ANO3: variants seen among roughly 807,000 people sequenced by gnomAD.
ANO3 encodes anoctamin-3.
ANO3 carries 99 observed loss-of-function variants against 144.8 expected under a neutral mutation model. The ratio of observed to expected loss-of-function variants is 0.68; its 90% CI spans 0.58 to 0.81. The LOEUF is 0.81. Among genes scored for constraint, ANO3 ranks in the 30% least tolerant of loss-of-function variants. ANO3 has a pLI of 0.00. For missense variants in ANO3, 905 were observed against 1,202.2 expected, an observed-to-expected ratio of 0.75 and a Z score of 3.66; for synonymous variants, 414 against 392.6, an observed-to-expected ratio of 1.05 and a Z score of -0.64.
At chr11:26,212,352 G>A (rs1304540145) in intron 1 of ANO3, among the ~76,000 whole-genome samples, 1 of 148,422 alleles carries the variant, frequency 6.7e-6, no homozygotes, top group Non-Finnish European at 1.5e-5. Flanking sequence ...TCCAGGAGCT[G>A]TTTTTTTTTC....
chr11:26,477,710 T>C (rs868416065), intron 4 of ANO3, among the ~76,000 whole-genome samples: 2 of 152,138 alleles, frequency 1.3e-5, no homozygotes, highest in Non-Finnish European at 1.5e-5. Context: ...ATAAGTGAAC[T>C]AATGAAAGAG....
chr11:26,420,527 G>C (rs927076776), intron 1 of ANO3, among the ~76,000 whole-genome samples: 1 of 152,042 alleles, frequency 6.6e-6, no homozygotes, highest in Admixed American at 6.6e-5. Flanking sequence ...AGCAGATTTA[G>C]ATGTAGATAA....
intron 18 of ANO3, among the ~76,000 whole-genome samples, chr11:26,627,937 T>A (rs546681579): frequency 3.3e-5 from 5 of 152,024 alleles, no homozygotes; most frequent in African/African-American, 4.8e-5. Flanking sequence ...GTTTTACTTC[T>A]CAGAAGAGGT....
intron 4 of ANO3, among the ~76,000 whole-genome samples, chr11:26,468,698 G>A (rs145685976): frequency 0.014 from 2,157 of 152,010 alleles, 61 homozygotes; most frequent in Admixed American, 0.07. Context: ...TTAGTATTCT[G>A]AATGTGCTAC....
chr11:26,614,978 C>T (rs1298581962), intron 17 of ANO3, among the ~76,000 whole-genome samples: 1 of 151,890 alleles, frequency 6.6e-6, no homozygotes, highest in Non-Finnish European at 1.5e-5. Context: ...TTCTTTCTGA[C>T]ATCACTCTCT....
chr11:26,432,248 A>C (rs1858130263), intron 1 of ANO3, among the ~76,000 whole-genome samples: 1 of 151,970 alleles, frequency 6.6e-6, no homozygotes, highest in Admixed American at 6.6e-5. Flanking sequence ...CCAGTTTTTA[A>C]TGGGGGTATT....
chr11:26,334,702 C>T (rs560483768), intron 1 of ANO3, among the ~76,000 whole-genome samples: 2 of 152,170 alleles, frequency 1.3e-5, no homozygotes, highest in South Asian at 2.1e-4. Context: ...ATGATTTCTT[C>T]TGTGACCAGA....
chr11:26,266,473 T>TC (rs772281172), intron 1 of ANO3, among the ~76,000 whole-genome samples: 4 of 150,306 alleles, frequency 2.7e-5, no homozygotes, highest in Middle Eastern at 6.8e-3. Flanking sequence ...TCACTCTGTT[T>TC]CCCAGGCTGG....
At chr11:26,620,668 G>A (rs1852388509) in intron 17 of ANO3, among the ~76,000 whole-genome samples, 1 of 152,090 alleles carries the variant, frequency 6.6e-6, no homozygotes, top group Non-Finnish European at 1.5e-5. Flanking sequence ...TGTAGGTTCT[G>A]GACTTTTCTC....
At chr11:26,417,418 A>G (rs1279056711) in intron 1 of ANO3, among the ~76,000 whole-genome samples, 1 of 152,116 alleles carries the variant, frequency 6.6e-6, no homozygotes, top group African/African-American at 2.4e-5. Context: ...TTTGTTGAGT[A>G]AAAGTGACAC....
rs565457339 is a variant in ANO3, at chr11:26,501,257, A to C, written c.433-6847A>C. On this transcript the variant is annotated intron_variant, in intron 4 of 26. Coordinates refer to ENST00000256737, the MANE Select transcript of ANO3 (RefSeq NM_031418.4). ...CTGCAGAGGCAACATAACCAAGGAA[A>C]TTAACCACCTACTGCCCTTGGGCAG... is the stretch of plus-strand genomic sequence containing the variant. Among the ~76,000 whole-genome samples the C allele has an allele frequency of 6.6e-5, 10 of 152,266 alleles. No homozygotes were observed. In the East Asian group the frequency reaches 1.9e-3, roughly 29 times the overall value.
intron 4 of ANO3, among the ~76,000 whole-genome samples, chr11:26,488,319 C>T (rs1054758333): frequency 1.3e-5 from 2 of 152,160 alleles, no homozygotes; most frequent in African/African-American, 4.8e-5. Flanking sequence ...GCATAAGTAG[C>T]AAGGAGCCTA....
chr11:26,254,173 G>A (rs982703663), intron 1 of ANO3, among the ~76,000 whole-genome samples: 1 of 152,098 alleles, frequency 6.6e-6, no homozygotes, highest in Non-Finnish European at 1.5e-5. Context: ...AGTACTTGTA[G>A]CATTTCCTGG....
At chr11:26,189,422 C>T in intron 1 of ANO3, 1 of 751,682 alleles carries the variant, frequency 1.3e-6, no homozygotes, top group African/African-American at 1.9e-5. Flanking sequence ...ATGTTGATGT[C>T]ATCCATTTTC....
intron 1 of ANO3, among the ~76,000 whole-genome samples, chr11:26,239,900 C>T (rs1032920851): frequency 1.3e-5 from 2 of 152,106 alleles, no homozygotes; most frequent in South Asian, 4.1e-4. Flanking sequence ...TGGGAATTGT[C>T]GCTTTGCGAA....
At chr11:26,263,082 A>G (rs771199704) in intron 1 of ANO3, among the ~76,000 whole-genome samples, 13 of 152,148 alleles carry the variant, frequency 8.5e-5, no homozygotes, top group Non-Finnish European at 1.8e-4. Flanking sequence ...TCCAAGACCA[A>G]GCTTTCTCCC....
intron 14 of ANO3, among the ~76,000 whole-genome samples, chr11:26,564,174 A>G (rs1357939255): frequency 6.6e-6 from 1 of 151,780 alleles, no homozygotes; most frequent in Non-Finnish European, 1.5e-5. Flanking sequence ...CTCAATATGT[A>G]TATTAGGTTT....
chr11:26,191,499 A>G (rs551960873), intron 1 of ANO3, among the ~76,000 whole-genome samples: 2 of 152,192 alleles, frequency 1.3e-5, no homozygotes, highest in African/African-American at 4.8e-5. Flanking sequence ...CCTCCTGCCC[A>G]TGGATGGCTA....
At chr11:26,595,651 C>G (rs1024950039) in intron 14 of ANO3, among the ~76,000 whole-genome samples, 1 of 151,816 alleles carries the variant, frequency 6.6e-6, no homozygotes, top group Admixed American at 6.6e-5. Flanking sequence ...AACCATCTGT[C>G]GTCCTGAAGG....
Sources: allele counts gnomAD v4.1 joint callset (sites outside exome capture counted in the v4.1 genomes callset), GRCh38; gene constraint gnomAD v4.1.1; transcripts MANE v1.5; gene names NCBI Gene and HGNC (gene_info 2026-07-23, HGNC 2026-07-21).